The following SYNDIG1L variants were observed in gnomAD, a reference collection of about 807,000 sequenced individuals.
The protein encoded by SYNDIG1L is synapse differentiation inducing 1 like, also known as synapse differentiation-inducing gene protein 1-like.
A neutral mutation model predicts 20.1 loss-of-function variants in SYNDIG1L; 13 were observed. The ratio of observed to expected loss-of-function variants is 0.65; its 90% CI spans 0.42 to 1.03. The LOEUF is 1.03. SYNDIG1L is among the 50% of genes least tolerant of loss of function. The pLI is 0.00. For missense variants in SYNDIG1L, 294 were observed against 305.1 expected, an observed-to-expected ratio of 0.96 and a Z score of 0.27; for synonymous variants, 128 against 129.3, an observed-to-expected ratio of 0.99 and a Z score of 0.07.
intron 2 of SYNDIG1L, among the ~76,000 whole-genome samples, chr14:74,408,937 C>G (rs1003046461): frequency 7.2e-5 from 11 of 152,088 alleles, no homozygotes; most frequent in African/African-American, 2.7e-4. Context: ...CTCAAAGCAT[C>G]GGCTGTACAT....
the SYNDIG1L span, among the ~76,000 whole-genome samples, chr14:74,459,434 G>A: frequency 1.4e-5 from 2 of 145,882 alleles, no homozygotes; most frequent in African/African-American, 5.6e-5. Flanking sequence ...AGAGTGGGAG[G>A]CGGAGGTTGC....
chr14:74,463,614 A>C, the SYNDIG1L span, among the ~76,000 whole-genome samples: 1 of 152,188 alleles, frequency 6.6e-6, no homozygotes, highest in Non-Finnish European at 1.5e-5. Flanking sequence ...ATAAGGATAC[A>C]GCTGTAATTA....
the SYNDIG1L span, among the ~76,000 whole-genome samples, chr14:74,447,636 C>T: frequency 6.6e-6 from 1 of 151,506 alleles, no homozygotes; most frequent in East Asian, 1.9e-4. Context: ...TAGACAAATC[C>T]ACTCTCATAG....
At chr14:74,427,965 T>G (rs1182894641), upstream of SYNDIG1L, among the ~76,000 whole-genome samples, 2 of 152,146 alleles carry the variant, frequency 1.3e-5, 1 homozygote, top group East Asian at 3.9e-4. Context: ...AAATACTAAT[T>G]GAAAGGATAA....
At chr14:74,410,763 C>G (rs1444146161) in intron 1 of SYNDIG1L, among the ~76,000 whole-genome samples, 1 of 152,108 alleles carries the variant, frequency 6.6e-6, no homozygotes, top group Non-Finnish European at 1.5e-5. Flanking sequence ...TCACAGCTGT[C>G]AGCTCTTACT....
the SYNDIG1L span, among the ~76,000 whole-genome samples, chr14:74,459,983 C>A: frequency 6.6e-6 from 1 of 152,202 alleles, no homozygotes; most frequent in Non-Finnish European, 1.5e-5. Context: ...TTCCCTCCTT[C>A]CATGGCTCTC....
upstream of SYNDIG1L, among the ~76,000 whole-genome samples, chr14:74,428,384 C>T (rs1163432385): frequency 6.6e-6 from 1 of 152,210 alleles, no homozygotes; most frequent in African/African-American, 2.4e-5. Flanking sequence ...TTTTTCCATT[C>T]TCTCTTTATC....
the SYNDIG1L span, among the ~76,000 whole-genome samples, chr14:74,445,638 C>T: frequency 6.6e-6 from 1 of 152,058 alleles, no homozygotes; most frequent in Non-Finnish European, 1.5e-5. Context: ...CCATGCCTGG[C>T]TAATTTTTTT....
the SYNDIG1L span, among the ~76,000 whole-genome samples, chr14:74,471,573 G>A: frequency 6.6e-6 from 1 of 151,640 alleles, no homozygotes; most frequent in Non-Finnish European, 1.5e-5. Flanking sequence ...ACTGCAGCCT[G>A]GGTGACAACG....
At chr14:74,476,785 T>C in the SYNDIG1L span, among the ~76,000 whole-genome samples, 1 of 152,080 alleles carries the variant, frequency 6.6e-6, no homozygotes, top group Non-Finnish European at 1.5e-5. Flanking sequence ...TAGGTTCCCA[T>C]AGCAATGGGC....
At chr14:74,424,828 T>C (rs1449449487) in intron 1 of SYNDIG1L, among the ~76,000 whole-genome samples, 1 of 152,126 alleles carries the variant, frequency 6.6e-6, no homozygotes, top group African/African-American at 2.4e-5. Context: ...GCATTGTTTT[T>C]CATTGGGCCC....
chr14:74,407,785 G>A (rs2086095552), intron 3 of SYNDIG1L, 64 bp downstream of exon 3: 1 of 1,578,910 alleles, frequency 6.3e-7, no homozygotes, highest in South Asian at 1.2e-5. Flanking sequence ...CCTGCAGACG[G>A]GATGCCAAGC....
intron 1 of SYNDIG1L, among the ~76,000 whole-genome samples, chr14:74,416,953 G>A (rs2086180869): frequency 6.6e-6 from 1 of 152,192 alleles, no homozygotes; most frequent in African/African-American, 2.4e-5. Flanking sequence ...CTGGTGAGTG[G>A]GGAGCTGGAC....
intron 1 of SYNDIG1L, among the ~76,000 whole-genome samples, chr14:74,421,664 C>T (rs1419514565): frequency 1.3e-5 from 2 of 152,156 alleles, no homozygotes; most frequent in Non-Finnish European, 1.5e-5. Context: ...TTCTGCCTGG[C>T]TGCTGGATGT....
At chr14:74,445,334 C>T in the SYNDIG1L span, among the ~76,000 whole-genome samples, 1 of 152,154 alleles carries the variant, frequency 6.6e-6, no homozygotes, top group Non-Finnish European at 1.5e-5. Context: ...ATAAATTACC[C>T]AGTCTCTGGT....
At chr14:74,469,591 G>A in the SYNDIG1L span, among the ~76,000 whole-genome samples, 7 of 152,130 alleles carry the variant, frequency 4.6e-5, no homozygotes, top group Admixed American at 3.9e-4. Flanking sequence ...AGCAGGCATC[G>A]CCTGAAGTTG....
chr14:74,478,074 C>T, the SYNDIG1L span, among the ~76,000 whole-genome samples: 1 of 152,192 alleles, frequency 6.6e-6, no homozygotes, highest in East Asian at 1.9e-4. Context: ...AGCCGAAATA[C>T]TTTTTAATTT....
chr14:74,478,665 C>T, the SYNDIG1L span, among the ~76,000 whole-genome samples: 97 of 152,226 alleles, frequency 6.4e-4, 1 homozygote, highest in Non-Finnish European at 7.6e-4. Context: ...TGAGCTTTTC[C>T]AGGCCTTTCA....
At chr14:74,454,865 A>G in the SYNDIG1L span, among the ~76,000 whole-genome samples, 1 of 152,218 alleles carries the variant, frequency 6.6e-6, no homozygotes, top group Admixed American at 6.5e-5. Flanking sequence ...GTTTAATTGT[A>G]TGTGTCAATC....
Sources: allele counts gnomAD v4.1 joint callset (sites outside exome capture counted in the v4.1 genomes callset), GRCh38; gene constraint gnomAD v4.1.1; transcripts MANE v1.5; gene names NCBI Gene and HGNC (gene_info 2026-07-23, HGNC 2026-07-21).